Variants in ATP6V0A1 observed in about 807,000 individuals in gnomAD.
ATP6V0A1 encodes V-type proton ATPase 116 kDa subunit a 1.
ATP6V0A1 carries 43 observed loss-of-function variants against 105.4 expected under a neutral mutation model. That is an observed-to-expected ratio of 0.41 (90% CI 0.32 to 0.53). The LOEUF (loss-of-function observed/expected upper bound fraction) is 0.53. ATP6V0A1 is among the 20% of genes least tolerant of loss of function. ATP6V0A1 has a pLI of 0.30. For synonymous variants in ATP6V0A1, 362 were observed against 372.8 expected, an observed-to-expected ratio of 0.97 and a Z score of 0.33; for missense variants, 676 against 1,051.1, an observed-to-expected ratio of 0.64 and a Z score of 4.93.
chr17:42,478,910 ATT>A (rs746205207), intron 7 of ATP6V0A1: 5 of 148,020 alleles, frequency 3.4e-5, no homozygotes, highest in South Asian at 2.1e-4. Flanking sequence ...AAATTTGGTA[ATT>A]TTTTTTTTTT....
At chr17:42,487,749 A>T (rs1294946221) in intron 10 of ATP6V0A1, among the ~76,000 whole-genome samples, 6 of 152,120 alleles carry the variant, frequency 3.9e-5, no homozygotes, top group African/African-American at 1.2e-4. Context: ...ATAATAATAA[A>T]AAATAAATAA....
At chr17:42,507,666 C>T (rs1314597883) in intron 18 of ATP6V0A1, 39 bp downstream of exon 18, 10 of 1,546,018 alleles carry the variant, frequency 6.5e-6, no homozygotes, top group South Asian at 1.1e-5. Context: ...CCTTCCACCT[C>T]GGGTCAGCCC....
intron 19 of ATP6V0A1, among the ~76,000 whole-genome samples, chr17:42,511,821 G>A (rs1169413401): frequency 6.6e-6 from 1 of 152,046 alleles, no homozygotes; most frequent in Non-Finnish European, 1.5e-5. Flanking sequence ...AAATTAGCCG[G>A]GTGTGGTGGT....
chr17:42,491,949 C>T (rs779929546), intron 11 of ATP6V0A1, among the ~76,000 whole-genome samples: 9 of 152,276 alleles, frequency 5.9e-5, no homozygotes, highest in Non-Finnish European at 1.3e-4. Flanking sequence ...TTTTAGAGGC[C>T]GAGGTAGGAG....
At chr17:42,516,221 C>G (rs887740029) in intron 21 of ATP6V0A1, among the ~76,000 whole-genome samples, 1 of 152,210 alleles carries the variant, frequency 6.6e-6, no homozygotes, top group African/African-American at 2.4e-5. Context: ...TTCCCCACTC[C>G]CCTTTATCTT....
At chr17:42,481,022 G>A (rs1333945982) in intron 8 of ATP6V0A1, 1 of 238,538 alleles carries the variant, frequency 4.2e-6, no homozygotes, top group African/African-American at 2.3e-5. Flanking sequence ...CCTGGGCTCA[G>A]GGGATTCTCC....
chr17:42,521,250 T>C lies in ATP6V0A1; in HGVS notation c.*130T>C. ...TTCGTGTCACCCTGTCTGTGAGTCA[T>C]TTAGATAGAATAGTCCTCCTTGGGT... On this transcript the variant is annotated 3_prime_UTR_variant, in exon 22 of 22. Transcript: ENST00000343619. The surrounding 1 kb of genome is among the most constrained non-coding windows in gnomAD (Gnocchi z 4.8). The C allele has an allele frequency of 5.1e-6, 4 of 779,216 alleles. No individual in the cohort carries two copies. The highest frequency in any genetic ancestry group is 1.9e-5 in the South Asian group (1 of 51,336). The allele number at this position is 779,216 out of a possible 1,614,324, so 48.3% of individuals were successfully genotyped here. A position where few individuals can be genotyped will look rare whatever the true frequency, so the allele number is the denominator to read the frequency against.
chr17:42,512,870 A>G (rs1599124289), intron 19 of ATP6V0A1, among the ~76,000 whole-genome samples: 2 of 152,234 alleles, frequency 1.3e-5, no homozygotes, highest in Admixed American at 6.5e-5. Flanking sequence ...GAGTGTCTGA[A>G]AGCTCAGAAG....
intron 5 of ATP6V0A1, among the ~76,000 whole-genome samples, chr17:42,472,478 A>G (rs1375647657): frequency 6.6e-6 from 1 of 151,892 alleles, no homozygotes; most frequent in Admixed American, 6.6e-5. Flanking sequence ...TAATCCCAGC[A>G]CTTTGGGAGG....
chr17:42,512,612 A>G (rs2092400202), intron 19 of ATP6V0A1, among the ~76,000 whole-genome samples: 1 of 152,172 alleles, frequency 6.6e-6, no homozygotes, highest in African/African-American at 2.4e-5. Context: ...GTGAGGGAGA[A>G]GCAGACGTTC....
chr17:42,494,207 C>A, intron 11 of ATP6V0A1, 127 bp from the exon 12 acceptor site: 1 of 922,158 alleles, frequency 1.1e-6, no homozygotes, highest in Non-Finnish European at 1.6e-6. Context: ...TGAGACATTG[C>A]TGGCTGACAG....
intron 8 of ATP6V0A1, among the ~76,000 whole-genome samples, chr17:42,482,436 T>C (rs925003795): frequency 1.3e-5 from 2 of 152,056 alleles, no homozygotes; most frequent in Non-Finnish European, 2.9e-5. Context: ...CGTGAGCCAC[T>C]GCACCTGGTC....
At chr17:42,482,993 T>C in intron 8 of ATP6V0A1, 45 bp from the exon 9 acceptor site, 1 of 1,327,526 alleles carries the variant, frequency 7.5e-7, no homozygotes, top group Admixed American at 2.6e-5. Flanking sequence ...TCTGAGATTA[T>C]TTAAATTAGA....
intron 2 of ATP6V0A1, among the ~76,000 whole-genome samples, chr17:42,463,875 A>G (rs1362138395): frequency 6.6e-6 from 1 of 152,236 alleles, no homozygotes; most frequent in Non-Finnish European, 1.5e-5. Context: ...TTCTTACAAT[A>G]AAGTAAGCTA....
intron 20 of ATP6V0A1, 42 bp from the exon 21 acceptor site, chr17:42,514,247 T>C (rs772064863): frequency 6.5e-7 from 1 of 1,542,086 alleles, no homozygotes; most frequent in Admixed American, 2.0e-5. Context: ...TACAGCTGCC[T>C]CTTGCCAAAC....
chr17:42,486,397 C>G (rs976426175), intron 9 of ATP6V0A1, among the ~76,000 whole-genome samples: 1 of 151,224 alleles, frequency 6.6e-6, no homozygotes, highest in African/African-American at 2.4e-5. Flanking sequence ...GGCCACAGAG[C>G]GAGACTCCAT....
At chr17:42,515,004 C>T (rs2092547532) in intron 21 of ATP6V0A1, among the ~76,000 whole-genome samples, 2 of 152,052 alleles carry the variant, frequency 1.3e-5, no homozygotes, top group Non-Finnish European at 2.9e-5. Context: ...CACGCAGCTT[C>T]TTCACATGGG....
chr17:42,493,965 T>A (rs1368116800), intron 11 of ATP6V0A1, among the ~76,000 whole-genome samples: 1 of 152,124 alleles, frequency 6.6e-6, no homozygotes, highest in Non-Finnish European at 1.5e-5. Flanking sequence ...TATGGAAGCC[T>A]GGGCACGGTG....
intron 17 of ATP6V0A1, among the ~76,000 whole-genome samples, chr17:42,505,981 T>C (rs1028710421): frequency 1.3e-5 from 2 of 151,942 alleles, no homozygotes; most frequent in African/African-American, 4.8e-5. Flanking sequence ...AGAGACGGGG[T>C]TTCGCCATGT....
Sources: allele counts gnomAD v4.1 joint callset (sites outside exome capture counted in the v4.1 genomes callset), GRCh38; gene constraint gnomAD v4.1.1; non-coding constraint Gnocchi (gnomAD v3.1); transcripts MANE v1.5; gene names NCBI Gene and HGNC (gene_info 2026-07-23, HGNC 2026-07-21).